Variants in IFT140 observed in about 807,000 individuals in gnomAD.
The protein encoded by IFT140 is intraflagellar transport 140, also known as intraflagellar transport protein 140 homolog.
In IFT140, 133 loss-of-function variants were observed where a neutral mutation model predicts 164.6. The observed-to-expected ratio is 0.81, with a 90% CI of 0.70 to 0.93. IFT140 has a LOEUF of 0.93. IFT140 is among the 40% of genes least tolerant of loss of function. The pLI is 0.00. For missense variants in IFT140, 2,045 were observed against 1,972.3 expected, an observed-to-expected ratio of 1.04 and a Z score of -0.70; for synonymous variants, 860 against 817.3, an observed-to-expected ratio of 1.05 and a Z score of -0.89.
At chr16:1,573,911 G>A (rs76777201) in intron 13 of IFT140, among the ~76,000 whole-genome samples, 3,186 of 152,274 alleles carry the variant, frequency 0.021, 111 homozygotes, top group African/African-American at 0.072. Flanking sequence ...ATCAGAGGAA[G>A]GTAAGTCCTT....
intron 29 of IFT140, 143 bp downstream of exon 29, chr16:1,519,738 G>T: frequency 4.3e-6 from 3 of 694,742 alleles, no homozygotes; most frequent in Non-Finnish European, 6.5e-6. Context: ...GGAGGAGGTG[G>T]GGTGTGTCTT....
chr16:1,582,263 C>T (rs140394753), intron 12 of IFT140, among the ~76,000 whole-genome samples: 22 of 152,222 alleles, frequency 1.4e-4, no homozygotes, highest in African/African-American at 4.3e-4. Context: ...CAGGTAGGCC[C>T]TAAATACACT....
chr16:1,600,774 A>G (rs1021852149), intron 4 of IFT140, among the ~76,000 whole-genome samples: 1 of 152,128 alleles, frequency 6.6e-6, no homozygotes, highest in Non-Finnish European at 1.5e-5. Context: ...CCTCTACGTG[A>G]TATTTCTGCC....
intron 19 of IFT140, among the ~76,000 whole-genome samples, chr16:1,549,608 C>G (rs1200176924): frequency 6.6e-6 from 1 of 152,044 alleles, no homozygotes; most frequent in African/African-American, 2.4e-5. Flanking sequence ...ATTTTTGTAC[C>G]TTTAGTAGAG....
At position 1,592,497 on chromosome 16, in the gene IFT140, T is replaced by C. The variant is rs779455831; in HGVS notation, c.461A>G (p.His154Arg). 1 of 1,614,226 alleles carries C rather than the reference T, an allele frequency of 6.2e-7. No individual in the cohort carries two copies. The highest frequency in any genetic ancestry group is 2.2e-5 in the East Asian group (1 of 44,890). Residue 154 changes from histidine to arginine, a missense_variant, in exon 5 of 31, where the codon CAC becomes CGC. Transcript: ENST00000426508. ...LKHEYGKHLT[H>R]CIFRLPPPGE... ...AGGAGGGGGGAGCCGGAAGATGCAG[T>C]GCGTGAGGTGTTTCCCATACTCGTG...
At chr16:1,511,842 G>C (rs182229675) in intron 30 of IFT140, among the ~76,000 whole-genome samples, 2 of 151,940 alleles carry the variant, frequency 1.3e-5, no homozygotes, top group Non-Finnish European at 2.9e-5. Context: ...GACACAGGAC[G>C]TAAGGGCACA....
chr16:1,593,552 G>T (rs185635597), intron 4 of IFT140, among the ~76,000 whole-genome samples: 1 of 152,208 alleles, frequency 6.6e-6, no homozygotes, highest in East Asian at 1.9e-4. Flanking sequence ...TCTGGCCGCC[G>T]TGTCTCCTCA....
chr16:1,566,192 TCTCTCTCC>T lies in IFT140; in HGVS notation c.1862_1869del (p.Arg621HisfsTer5). 6.2e-7 allele frequency: 1 copy of T among 1,613,866 alleles called. No individual in the cohort carries two copies. On this transcript the variant is annotated frameshift_variant, in exon 16 of 31. Transcript: ENST00000426508. LOFTEE classifies it high-confidence loss of function. ...GTCTCTTGCTCATTAAAGGACAGCG[TCTCTCTCC>T]GATCAATTTGTCCAGTCTTGAAGTC...
At chr16:1,594,943 GC>G (rs2035377678) in intron 4 of IFT140, among the ~76,000 whole-genome samples, 1 of 152,248 alleles carries the variant, frequency 6.6e-6, no homozygotes. Flanking sequence ...TGGATAACAT[GC>G]TTTTTATTGT....
rs1384330278 is a variant in IFT140, at chr16:1,564,114, G to A, written c.1950C>T (p.Asn650=). Residue 650 remains asparagine, a synonymous_variant, in exon 17 of 31, where the codon AAC becomes AAT. Transcript: ENST00000426508. This position sits in a 1 kb window ranked among gnomAD's most constrained non-coding sequence, Gnocchi z 5.5. Reference sequence around the variant, plus strand: ...GGGGCTCACTCTGGTCCCAGAAGTGGTTCACGGGAACATAATTTTTCAGTC... The same window carrying A: ...GGGGCTCACTCTGGTCCCAGAAGTGATTCACGGGAACATAATTTTTCAGTC... ...DEGLKNYVPV[N]HFWDQSEPRL... 2 of 1,593,782 alleles carry A rather than the reference G, an allele frequency of 1.3e-6. No individual in the cohort carries two copies. The highest frequency in any genetic ancestry group is 3.4e-5 in the Admixed American group (2 of 59,406).
intron 14 of IFT140, among the ~76,000 whole-genome samples, chr16:1,569,120 TCAGCCTCCCGAGTAGCTGGGCCTA>T (rs911957856): frequency 6.6e-6 from 1 of 150,420 alleles, no homozygotes; most frequent in Non-Finnish European, 1.5e-5. Flanking sequence ...TTCTCCTGCC[TCAGCCTCCCGAGTAGCTGGGCCTA>T]CAGGCGCCCG....
At chr16:1,573,452 C>T (rs2034121770) in intron 13 of IFT140, among the ~76,000 whole-genome samples, 1 of 147,280 alleles carries the variant, frequency 6.8e-6, no homozygotes, top group East Asian at 2.0e-4. Context: ...GGGCACTGAC[C>T]CAGCTCCTGA....
intron 13 of IFT140, chr16:1,579,257 C>G (rs73499716): frequency 1.3e-5 from 2 of 152,098 alleles, no homozygotes; most frequent in Non-Finnish European, 2.9e-5. Context: ...TCATCCTCAT[C>G]ATCTTCACAC....
At chr16:1,525,579 GAGA>G (rs1175515785) in intron 21 of IFT140, among the ~76,000 whole-genome samples, 1 of 152,230 alleles carries the variant, frequency 6.6e-6, no homozygotes, top group Non-Finnish European at 1.5e-5. Context: ...TCCTCCTCTG[GAGA>G]GGGTGACATG....
At chr16:1,537,433 C>A (rs2031189683) in intron 19 of IFT140, among the ~76,000 whole-genome samples, 1 of 152,250 alleles carries the variant, frequency 6.6e-6, no homozygotes, top group African/African-American at 2.4e-5. Context: ...AGGGGACGCG[C>A]CCCGGACATC....
chr16:1,541,577 AC>A (rs1473958262), intron 19 of IFT140: 2 of 864,482 alleles, frequency 2.3e-6, no homozygotes, highest in East Asian at 1.2e-4. Context: ...TCCCACCTCC[AC>A]CCCCACGCCA....
intron 18 of IFT140, 108 bp downstream of exon 18, chr16:1,561,877 G>A: frequency 8.5e-7 from 1 of 1,176,328 alleles, no homozygotes; most frequent in Non-Finnish European, 1.1e-6. Flanking sequence ...AAGCCCGGCA[G>A]AGCCACGAGG....
chr16:1,592,376 G>A, intron 5 of IFT140, 58 bp from the exon 6 acceptor site: 1 of 1,612,076 alleles, frequency 6.2e-7, no homozygotes. Context: ...GCACCTCAGG[G>A]CTGGGGCCCC....
chr16:1,611,361 G>C (rs1184674189), intron 1 of IFT140, among the ~76,000 whole-genome samples: 1 of 152,138 alleles, frequency 6.6e-6, no homozygotes, highest in Admixed American at 6.5e-5. Context: ...AAAATTAGCC[G>C]GGCGCGGTGG....
Sources: gnomAD v4.1 joint callset for allele counts (sites outside exome capture counted in the v4.1 genomes callset) on GRCh38, gnomAD v4.1.1 for gene constraint, Gnocchi (gnomAD v3.1) non-coding constraint, MANE v1.5 for transcripts, NCBI Gene and HGNC (gene_info 2026-07-23, HGNC 2026-07-21) for gene names.